The following TMF1 variants were observed in gnomAD, a reference collection of about 807,000 sequenced individuals.
TMF1 encodes TATA element modulatory factor 1.
A neutral mutation model predicts 126.5 loss-of-function variants in TMF1; 71 were observed. That is an observed-to-expected ratio of 0.56 (90% CI 0.46 to 0.68). The LOEUF (loss-of-function observed/expected upper bound fraction) is 0.68, where lower values mean the gene tolerates loss of function less well. TMF1 is among the 30% of genes least tolerant of loss of function. The pLI is 0.00. For synonymous variants in TMF1, 461 were observed against 430.5 expected (o/e 1.07, Z -0.88); for missense variants, 1,259 against 1,253.2 (o/e 1.00, Z -0.07).
rs531007410 is a variant in TMF1, at chr3:69,038,735, T to C, written c.1995-15A>G. 4.4e-6 allele frequency: 7 copies of C among 1,602,930 alleles called. No individual in the cohort carries two copies. The highest frequency in any genetic ancestry group is 1.3e-5 in the African/African-American group (1 of 74,188). On this transcript the variant is annotated splice_polypyrimidine_tract_variant and intron_variant, in intron 7 of 16. Coordinates refer to ENST00000398559, the MANE Select transcript of TMF1 (RefSeq NM_007114.3). Reference sequence around the variant, plus strand: ...CAGTAAGTTCTCTTAAAAAATTAGATTGAGTTTATAAATGTTGCCAGTGAT... The same window carrying C: ...CAGTAAGTTCTCTTAAAAAATTAGACTGAGTTTATAAATGTTGCCAGTGAT...
chr3:69,043,008 A>G, intron 4 of TMF1, 96 bp from the exon 5 acceptor site: 2 of 831,526 alleles, frequency 2.4e-6, no homozygotes, highest in South Asian at 1.7e-5. Flanking sequence ...GTCCATAATC[A>G]CATTTGCAAT....
In TMF1 at chr3:69,048,334, C is replaced by T. The variant is rs771579360; in HGVS notation, c.371G>A (p.Arg124Gln). Residue 124 changes from arginine (R) to glutamine (Q), a missense_variant, in exon 2 of 17, where the codon CGA (arginine) becomes CAA (glutamine). Transcript: ENST00000398559. ...GCTGCTTTTCACTTCTTCTTCTGGT[C>T]GTTGTGATTTTGCTGGAGGTTTTGA... ...VVSKPPAKSQ[R>Q]PEEEVKSSLH... is the part of the protein sequence containing the mutation. 3.1e-5 allele frequency: 50 copies of T among 1,613,996 alleles called. No homozygotes were observed. Among genetic ancestry groups the T allele is most frequent in the African/African-American group, 4.0e-5 (3 of 74,898 alleles).
chr3:69,039,075 C>T, intron 6 of TMF1, 66 bp from the exon 7 acceptor site: 5 of 1,204,774 alleles, frequency 4.2e-6, no homozygotes, highest in Non-Finnish European at 4.5e-6. Context: ...TAACTGTATT[C>T]CAGGAATCTA....
intron 5 of TMF1, chr3:69,042,446 T>C (rs1011044272): frequency 2.2e-6 from 1 of 464,768 alleles, no homozygotes; most frequent in Non-Finnish European, 4.3e-6. Flanking sequence ...TATCATACAG[T>C]ACTTAAGCTA....
chr3:69,045,234 G>A (rs1448274913), intron 2 of TMF1, among the ~76,000 whole-genome samples: 1 of 152,192 alleles, frequency 6.6e-6, no homozygotes, highest in East Asian at 1.9e-4. Flanking sequence ...GAGGTGGGGG[G>A]ATCACCTGAG....
intron 1 of TMF1, among the ~76,000 whole-genome samples, chr3:69,050,691 T>A (rs963736315): frequency 3.3e-5 from 5 of 152,190 alleles, no homozygotes; most frequent in Non-Finnish European, 7.3e-5. Flanking sequence ...TTATATGACA[T>A]CTTGTAAAAA....
intron 14 of TMF1, 30 bp from the exon 15 acceptor site, chr3:69,025,742 ACT>A (rs2091764021): frequency 6.3e-7 from 1 of 1,596,792 alleles, no homozygotes; most frequent in African/African-American, 1.3e-5. Flanking sequence ...TCACACAGTT[ACT>A]CAGTTATCAT....
In TMF1 at chr3:69,052,205, G is replaced by C; in HGVS notation, c.-119C>G. The C allele has an allele frequency of 1.7e-6, 2 of 1,206,540 alleles. No individual in the cohort carries two copies. The highest frequency in any genetic ancestry group is 2.2e-6 in the Non-Finnish European group (2 of 889,476). 74.7% of individuals were successfully genotyped at this position (1,206,540 alleles called of 1,614,324 possible). A position where few individuals can be genotyped will look rare whatever the true frequency, so the allele number is the denominator to read the frequency against. On this transcript the variant is annotated 5_prime_UTR_variant, in exon 1 of 17. Transcript: ENST00000398559. ...TCCACTCGGCTGGTTCTGTCAGCGT[G>C]TGGCCATTACCCCGACAGCCTCCCG... is the stretch of plus-strand genomic sequence containing the variant.
At chr3:69,041,680 G>A (rs1314999949) in intron 5 of TMF1, among the ~76,000 whole-genome samples, 1 of 152,086 alleles carries the variant, frequency 6.6e-6, no homozygotes, top group Non-Finnish European at 1.5e-5. Flanking sequence ...AGAGATGTAA[G>A]AGAAGGAAGA....
Position 69,042,880 on chromosome 3 carries a change from A to G in TMF1, c.1611T>C (p.Thr537=). Residue 537 remains threonine (T), a synonymous_variant, in exon 5 of 17, where the codon ACT becomes ACC. Coordinates refer to ENST00000398559, the MANE Select transcript of TMF1 (RefSeq NM_007114.3). ...CTGCAGTTTCACTACTATTTAATCT[A>G]GTGGCAAGTTCTTCTTTTATGTTTT... ...EIKNIKEELA[T]RLNSSETADL... 1 of 1,613,328 alleles carries G rather than the reference A, an allele frequency of 6.2e-7. No homozygotes were observed. Among genetic ancestry groups the G allele is most frequent in the African/African-American group, 1.3e-5 (1 of 75,012 alleles).
chr3:69,026,548 C>T (rs1370231098), intron 13 of TMF1, among the ~76,000 whole-genome samples: 1 of 152,080 alleles, frequency 6.6e-6, no homozygotes, highest in African/African-American at 2.4e-5. Flanking sequence ...GCCGAGATAG[C>T]GGTGGAGGTG....
At chr3:69,037,821 GA>G (rs148799360) in intron 8 of TMF1, among the ~76,000 whole-genome samples, 17 of 142,938 alleles carry the variant, frequency 1.2e-4, no homozygotes, top group African/African-American at 2.6e-4. Flanking sequence ...TATATAAATT[GA>G]AAAAAAAAAA....
chr3:69,019,851 A>G lies in TMF1; in HGVS notation c.*3326T>C, dbSNP rs561769538. The G allele has an allele frequency of 5.3e-5, 8 of 152,244 alleles. No homozygotes were observed. Among genetic ancestry groups the G allele is most frequent in the South Asian group, 4.1e-4 (2 of 4,830 alleles). The allele number at this position is 152,244 out of a possible 1,614,324, so 9.4% of individuals were successfully genotyped here. A position where few individuals can be genotyped will look rare whatever the true frequency, so the allele number is the denominator to read the frequency against. On this transcript the variant is annotated 3_prime_UTR_variant, in exon 17 of 17. Coordinates refer to ENST00000398559, the MANE Select transcript of TMF1 (RefSeq NM_007114.3). ...ATTACTATTTTAAAATCTTTATTCA[A>G]TCAGATCCATGCTTATTTACATTAC...
chr3:69,051,085 A>G (rs1178210671), intron 1 of TMF1, among the ~76,000 whole-genome samples: 4 of 152,176 alleles, frequency 2.6e-5, no homozygotes, highest in Admixed American at 6.5e-5. Flanking sequence ...CCGCCGTGTG[A>G]CCTAGAGCAA....
intron 2 of TMF1, among the ~76,000 whole-genome samples, chr3:69,045,594 A>T (rs947132017): frequency 6.6e-6 from 1 of 152,118 alleles, no homozygotes; most frequent in Non-Finnish European, 1.5e-5. Context: ...AGCCTGACCA[A>T]CACGGTGAAA....
At position 69,021,260 on chromosome 3, in the gene TMF1, G is replaced by A. The variant is rs1364393260; in HGVS notation, c.*1917C>T. 1 of 152,516 alleles carries A rather than the reference G, an allele frequency of 6.6e-6. No homozygotes were observed. Among genetic ancestry groups the A allele is most frequent in the African/African-American group, 2.4e-5 (1 of 41,398 alleles). 9.4% of individuals were successfully genotyped at this position (152,516 alleles called of 1,614,324 possible). Reference sequence around the variant, plus strand: ...TATGTATAGGAAAAAACAGTGTATAGAGGTGTCTATACTATCCATGGTTTC... The same window carrying A: ...TATGTATAGGAAAAAACAGTGTATAAAGGTGTCTATACTATCCATGGTTTC... On this transcript the variant is annotated 3_prime_UTR_variant, in exon 17 of 17. Coordinates refer to ENST00000398559, the MANE Select transcript of TMF1 (RefSeq NM_007114.3).
intron 1 of TMF1, 148 bp downstream of exon 1, chr3:69,051,797 G>T: frequency 1.1e-6 from 1 of 921,708 alleles, no homozygotes; most frequent in Non-Finnish European, 1.6e-6. Flanking sequence ...CTTGGAGGCT[G>T]AAGCAGCATT....
intron 1 of TMF1, chr3:69,049,018 TTCAG>T (rs2091911803): frequency 1.3e-5 from 2 of 155,604 alleles, no homozygotes; most frequent in South Asian, 2.0e-4. Flanking sequence ...ACCCTACCTA[TTCAG>T]TCAGTTTCAT....
chr3:69,052,129 G>A lies in TMF1; in HGVS notation c.-43C>T, dbSNP rs764436684. On this transcript the variant is annotated 5_prime_UTR_variant, in exon 1 of 17. Transcript: ENST00000398559. ...CAGTGGCGGCGGCAGCACCAAGCGG[G>A]AAGGCCTCAGGCCTGGGGAAGGGTG... The A allele has an allele frequency of 3.7e-5, 58 of 1,585,810 alleles. No individual in the cohort carries two copies. The highest frequency in any genetic ancestry group is 4.6e-5 in the Non-Finnish European group (54 of 1,169,342).
Sources: allele counts gnomAD v4.1 joint callset (sites outside exome capture counted in the v4.1 genomes callset), GRCh38; gene constraint gnomAD v4.1.1; transcripts MANE v1.5; gene names NCBI Gene and HGNC (gene_info 2026-07-23, HGNC 2026-07-21).